Variants in WDR27 observed in about 807,000 individuals in gnomAD.
WDR27 encodes WD repeat domain 27.
A neutral mutation model predicts 114.4 loss-of-function variants in WDR27; 100 were observed. The ratio of observed to expected loss-of-function variants is 0.87; its 90% confidence interval spans 0.74 to 1.03. The LOEUF (loss-of-function observed/expected upper bound fraction) is 1.03, where lower values mean the gene tolerates loss of function less well. WDR27 is among the 50% of genes least tolerant of loss of function. The probability of loss-of-function intolerance (pLI) is 0.00; values close to 1 mark genes in which losing one functional copy is unlikely to be tolerated. For synonymous variants in WDR27, 449 were observed against 423.1 expected (o/e 1.06, Z -0.75); for missense variants, 1,129 against 1,092.9 (o/e 1.03, Z -0.47).
intron 25 of WDR27, among the ~76,000 whole-genome samples, chr6:169,477,603 TA>T (rs1167822692): frequency 6.6e-6 from 1 of 152,168 alleles, no homozygotes; most frequent in East Asian, 1.9e-4. Context: ...CATGACCAGC[TA>T]ATTTCTGTAT....
intron 25 of WDR27, among the ~76,000 whole-genome samples, chr6:169,464,848 C>T (rs1379176571): frequency 1.3e-5 from 2 of 152,248 alleles, no homozygotes; most frequent in Non-Finnish European, 2.9e-5. Context: ...CGGCCAGGCA[C>T]GGTGGCCCAT....
chr6:169,570,041 C>T lies in WDR27; in HGVS notation c.2645+2378G>A, dbSNP rs557269121. Among the ~76,000 whole-genome samples, 100 of 152,286 alleles carry T rather than the reference C, an allele frequency of 6.6e-4. 1 individual carries two copies. In the South Asian group the frequency reaches 0.019, roughly 29 times the overall value. On this transcript the variant is annotated intron_variant, in intron 25 of 25. Coordinates refer to ENST00000448612, the MANE Select transcript of WDR27 (RefSeq NM_182552.5). ...CATGCTGCTAGGAAGAACCCTGATG[C>T]CATCACATTGGGCACCACGGAATGC...
At chr6:169,650,432 CTCTCA>C (rs2096731578) in intron 14 of WDR27, among the ~76,000 whole-genome samples, 1 of 146,614 alleles carries the variant, frequency 6.8e-6, no homozygotes, top group Non-Finnish European at 1.5e-5. Flanking sequence ...ACTCATCCAC[CTCTCA>C]TCTCTCCATC....
At chr6:169,546,571 T>G (rs937763471) in intron 25 of WDR27, among the ~76,000 whole-genome samples, 1 of 152,162 alleles carries the variant, frequency 6.6e-6, no homozygotes, top group African/African-American at 2.4e-5. Flanking sequence ...ACCCTCTTCG[T>G]GCCACTGAGC....
intron 22 of WDR27, among the ~76,000 whole-genome samples, chr6:169,605,221 G>C (rs1173685401): frequency 6.9e-6 from 1 of 144,658 alleles, no homozygotes; most frequent in Non-Finnish European, 1.5e-5. Context: ...AAAACCTAAA[G>C]ACTCCATCAA....
intron 25 of WDR27, among the ~76,000 whole-genome samples, chr6:169,549,613 AGCTACAAAGACGT>A (rs1160857438): frequency 1.3e-5 from 2 of 152,262 alleles, no homozygotes; most frequent in Non-Finnish European, 2.9e-5. Context: ...AAAATATGAA[AGCTACAAAGACGT>A]GCTTCAGTAG....
chr6:169,602,328 G>A lies in WDR27; in HGVS notation c.2322-7C>T. On this transcript the variant is annotated splice_region_variant and splice_polypyrimidine_tract_variant and intron_variant, in intron 22 of 25. Transcript: ENST00000448612. ...TTCAAAGTGGCGCTCACACCTACAGGGAGGAAAGAAACACCAGGAGAAAAA... is the reference window on the plus strand; with the variant it reads ...TTCAAAGTGGCGCTCACACCTACAGAGAGGAAAGAAACACCAGGAGAAAAA... The A allele has an allele frequency of 1.3e-6, 2 of 1,503,518 alleles. No individual in the cohort carries two copies. The highest frequency in any genetic ancestry group is 1.4e-5 in the African/African-American group (1 of 72,600). 93.1% of individuals were successfully genotyped at this position (1,503,518 alleles called of 1,614,324 possible). A position where few individuals can be genotyped will look rare whatever the true frequency, so the allele number is the denominator to read the frequency against.
At position 169,545,703 on chromosome 6, in the gene WDR27, T is replaced by C. The variant is rs541582290; in HGVS notation, c.2645+26716A>G. Among the ~76,000 whole-genome samples the C allele has an allele frequency of 7.2e-5, 11 of 152,030 alleles. No homozygotes were observed. In the South Asian group the frequency reaches 1.0e-3, roughly 14 times the overall value. The stretch of plus-strand genomic sequence containing the variant: ...CAAAAAATAAAAAACTTCTGCTCTG[T>C]GAAAGACCCTGTCAAGAGGATAAAA... On this transcript the variant is annotated intron_variant, in intron 25 of 25. Transcript: ENST00000448612.
rs537340101 is a variant in WDR27, at chr6:169,659,096, C to T, written c.1309G>A (p.Val437Met). 1 of 1,558,350 alleles carries T rather than the reference C, an allele frequency of 6.4e-7. No individual in the cohort carries two copies. Among genetic ancestry groups the T allele is most frequent in the African/African-American group, 1.4e-5 (1 of 72,336 alleles). ...QCPSMGQSLS[V>M]PASSCVLPTS... ...TTGAAGACACTCTACCTGGCTGGCA[C>T]CGAGAGGCTCTGCCCCATGCTGGGG... is the stretch of plus-strand genomic sequence containing the variant. Residue 437 changes from valine to methionine, a missense_variant, in exon 12 of 26, where the codon GTG (valine) becomes ATG (methionine). By Grantham distance (21) the Val-to-Met change is conservative (BLOSUM62 1). Coordinates refer to ENST00000448612, the MANE Select transcript of WDR27 (RefSeq NM_182552.5). This position sits in a 1 kb window ranked among gnomAD's most constrained non-coding sequence, Gnocchi z 4.3.
chr6:169,444,099 T>TC, the WDR27 span, among the ~76,000 whole-genome samples: 1 of 152,060 alleles, frequency 6.6e-6, no homozygotes, highest in East Asian at 1.9e-4. Flanking sequence ...CAGTCACGTG[T>TC]CCAGATGGCT....
intron 23 of WDR27, among the ~76,000 whole-genome samples, chr6:169,590,203 C>T (rs1213045461): frequency 2.6e-5 from 4 of 152,162 alleles, no homozygotes; most frequent in Admixed American, 6.5e-5. Context: ...GAGTACCTAA[C>T]GTGACCTTCA....
At chr6:169,477,291 T>C (rs1369892295) in intron 25 of WDR27, among the ~76,000 whole-genome samples, 1 of 152,230 alleles carries the variant, frequency 6.6e-6, no homozygotes, top group Non-Finnish European at 1.5e-5. Flanking sequence ...GGCCCATAAT[T>C]GCCTTTTTGC....
intron 25 of WDR27, among the ~76,000 whole-genome samples, chr6:169,507,574 G>A (rs377766686): frequency 3.4e-4 from 52 of 152,260 alleles, no homozygotes; most frequent in South Asian, 2.3e-3. Context: ...GAAATTCTAC[G>A]CTTCTTGTCT....
chr6:169,652,107 C>T, intron 13 of WDR27, 99 bp from the exon 14 acceptor site: 1 of 1,037,260 alleles, frequency 9.6e-7, no homozygotes, highest in Non-Finnish European at 1.4e-6. Context: ...GAAACATTCA[C>T]ACAAACAGAA....
At chr6:169,573,919 A>G (rs1048152556) in intron 24 of WDR27, among the ~76,000 whole-genome samples, 17 of 152,362 alleles carry the variant, frequency 1.1e-4, no homozygotes, top group African/African-American at 4.1e-4. Flanking sequence ...TTTGCTGGAA[A>G]TAAGTCTTGC....
At chr6:169,433,061 T>A in the WDR27 span, among the ~76,000 whole-genome samples, 3 of 152,206 alleles carry the variant, frequency 2.0e-5, no homozygotes, top group Non-Finnish European at 4.4e-5. Context: ...AAGGTGACTG[T>A]TGCTATGTTT....
intron 1 of WDR27, among the ~76,000 whole-genome samples, chr6:169,698,182 G>C (rs541992770): frequency 6.6e-6 from 1 of 152,134 alleles, no homozygotes; most frequent in Non-Finnish European, 1.5e-5. Context: ...CAGTGTGCAC[G>C]AGCTGATGTC....
At position 169,660,743 on chromosome 6, in the gene WDR27, C is replaced by T. The variant is rs758846767; in HGVS notation, c.1049G>A (p.Cys350Tyr). 9 of 1,613,814 alleles carry T rather than the reference C, an allele frequency of 5.6e-6. No homozygotes were observed. The highest frequency in any genetic ancestry group is 6.8e-6 in the Non-Finnish European group (8 of 1,179,820). ...GCCCACTGAGCTTCCGATCCACACACATCGGGTGTTCTCAGAAGAAAGACT... is the reference window on the plus strand; with the variant it reads ...GCCCACTGAGCTTCCGATCCACACATATCGGGTGTTCTCAGAAGAAAGACT... ...CGCLSSENTR[C>Y]VWIGSSVGLF... Residue 350 changes from cysteine to tyrosine, a missense_variant, in exon 10 of 26, where the codon TGT becomes TAT. Transcript: ENST00000448612.
At position 169,472,199 on chromosome 6, in the gene WDR27, A is replaced by G. The variant is rs115735744; in HGVS notation, c.2646-14565T>C. Among the ~76,000 whole-genome samples, 682 of 152,284 alleles carry G rather than the reference A, an allele frequency of 4.5e-3. 7 individuals are homozygous for G. The highest frequency in any genetic ancestry group is 0.016 in the African/African-American group (650 of 41,560). On this transcript the variant is annotated intron_variant, in intron 25 of 25. Transcript: ENST00000448612. ...GGGAATCAAACATAAAAAAAGAGAA[A>G]TAACAATAACAGGGCTTTTTTAGAG... is the stretch of plus-strand genomic sequence containing the variant.
Sources: allele counts gnomAD v4.1 joint callset (sites outside exome capture counted in the v4.1 genomes callset), GRCh38; gene constraint gnomAD v4.1.1; non-coding constraint Gnocchi (gnomAD v3.1); transcripts MANE v1.5; gene names NCBI Gene and HGNC (gene_info 2026-07-23, HGNC 2026-07-21).